The following NYAP2 variants were observed in gnomAD, a reference collection of about 807,000 sequenced individuals.
NYAP2 encodes neuronal tyrosine-phosphorylated phosphoinositide-3-kinase adaptor 2.
A neutral mutation model predicts 50.4 loss-of-function variants in NYAP2; 23 were observed. That is an observed-to-expected ratio of 0.46 (90% CI 0.33 to 0.65). The LOEUF is 0.65. NYAP2 is among the 30% of genes least tolerant of loss of function. The pLI, the probability that NYAP2 is intolerant of heterozygous loss-of-function variation, is 0.02. For synonymous variants in NYAP2, 394 were observed against 365.2 expected, an observed-to-expected ratio of 1.08 and a Z score of -0.90; for missense variants, 885 against 861.0, an observed-to-expected ratio of 1.03 and a Z score of -0.35.
chr2:225,612,785 G>A (rs531815648), intron 5 of NYAP2, among the ~76,000 whole-genome samples: 1 of 40,146 alleles, frequency 2.5e-5, no homozygotes, highest in South Asian at 1.5e-3. Flanking sequence ...TCTACCAGAA[G>A]CCCCACCTTT....
At chr2:225,409,764 A>G (rs969378004) in intron 3 of NYAP2, among the ~76,000 whole-genome samples, 1 of 152,082 alleles carries the variant, frequency 6.6e-6, no homozygotes, top group Non-Finnish European at 1.5e-5. Context: ...AAGAATGCAT[A>G]TCTTTTGATT....
chr2:225,449,601 CTTT>C (rs201552006), intron 3 of NYAP2, among the ~76,000 whole-genome samples: 8,709 of 95,448 alleles, frequency 0.091, 222 homozygotes, highest in African/African-American at 0.22. Context: ...CTCTCTTTCT[CTTT>C]TTTTTTTTTT....
intron 4 of NYAP2, among the ~76,000 whole-genome samples, chr2:225,535,255 CTT>C (rs1462720708): frequency 1.3e-5 from 2 of 152,178 alleles, no homozygotes; most frequent in Non-Finnish European, 2.9e-5. Context: ...ATGGACAAAA[CTT>C]AACACTGGGC....
At chr2:225,561,289 G>C (rs1331582589) in intron 4 of NYAP2, among the ~76,000 whole-genome samples, 1 of 152,002 alleles carries the variant, frequency 6.6e-6, no homozygotes, top group Non-Finnish European at 1.5e-5. Flanking sequence ...TACATCGCTG[G>C]GGGAAGCACA....
chr2:225,468,095 C>T (rs1055676367), intron 3 of NYAP2, among the ~76,000 whole-genome samples: 2 of 152,086 alleles, frequency 1.3e-5, no homozygotes, highest in African/African-American at 4.8e-5. Context: ...TGAATTGTGT[C>T]CTACATTAGG....
At chr2:225,611,290 CAT>C (rs1491137649) in intron 5 of NYAP2, among the ~76,000 whole-genome samples, 2 of 152,058 alleles carry the variant, frequency 1.3e-5, no homozygotes, top group African/African-American at 2.4e-5. Flanking sequence ...AAATCTTAAT[CAT>C]GTGTGTGTGT....
chr2:225,590,875 C>A (rs370923453), intron 5 of NYAP2, among the ~76,000 whole-genome samples: 11 of 152,226 alleles, frequency 7.2e-5, no homozygotes, highest in African/African-American at 2.7e-4. Flanking sequence ...ATCTGTGAAT[C>A]GCATCTATCC....
chr2:225,536,936 G>A (rs1055346402), intron 4 of NYAP2, among the ~76,000 whole-genome samples: 1 of 151,678 alleles, frequency 6.6e-6, no homozygotes, highest in African/African-American at 2.4e-5. Flanking sequence ...CCGCCACCAC[G>A]CCCGGCTTTT....
At chr2:225,423,612 C>T (rs185986868) in intron 3 of NYAP2, among the ~76,000 whole-genome samples, 175 of 152,204 alleles carry the variant, frequency 1.1e-3, no homozygotes, top group Non-Finnish European at 1.6e-3. Flanking sequence ...GCCTGGTGTT[C>T]GCCTAGACAA....
chr2:225,513,589 C>A, exon 4 of NYAP2: 1 of 1,593,632 alleles, frequency 6.3e-7, no homozygotes, highest in East Asian at 2.2e-5. Flanking sequence ...AAGAGGGACC[C>A]CAGCACCAAG....
the NYAP2 span, chr2:225,699,997 A>G: frequency 6.6e-6 from 1 of 151,820 alleles, no homozygotes; most frequent in Non-Finnish European, 1.5e-5. Context: ...TTTCTGAGAG[A>G]AAAGATGTGT....
chr2:225,424,643 G>A (rs1370096043), intron 3 of NYAP2, among the ~76,000 whole-genome samples: 3 of 151,640 alleles, frequency 2.0e-5, no homozygotes, highest in Admixed American at 6.6e-5. Flanking sequence ...CAATATGAAG[G>A]TTTTGGAATT....
chr2:225,650,089 G>A (rs1428701572), intron 6 of NYAP2, among the ~76,000 whole-genome samples: 5 of 152,172 alleles, frequency 3.3e-5, no homozygotes, highest in Non-Finnish European at 7.3e-5. Flanking sequence ...AGGTGCATAT[G>A]GGTGAGAGTG....
chr2:225,504,982 T>C (rs112732598), intron 3 of NYAP2, among the ~76,000 whole-genome samples: 1 of 150,330 alleles, frequency 6.7e-6, no homozygotes, highest in Non-Finnish European at 1.5e-5. Flanking sequence ...CGCTCCAGCC[T>C]GGGTGACGGA....
At chr2:225,443,915 A>G (rs908533091) in intron 3 of NYAP2, among the ~76,000 whole-genome samples, 1 of 152,206 alleles carries the variant, frequency 6.6e-6, no homozygotes, top group Non-Finnish European at 1.5e-5. Flanking sequence ...CCAAAGATCA[A>G]ATTCTTGACC....
chr2:225,471,081 T>C (rs1422908915), intron 3 of NYAP2, among the ~76,000 whole-genome samples: 3 of 152,230 alleles, frequency 2.0e-5, no homozygotes, highest in African/African-American at 7.2e-5. Context: ...CAAATCAATA[T>C]AGAGGGATTT....
At chr2:225,473,657 T>C (rs1207067789) in intron 3 of NYAP2, among the ~76,000 whole-genome samples, 1 of 152,196 alleles carries the variant, frequency 6.6e-6, no homozygotes, top group African/African-American at 2.4e-5. Context: ...GATGGGGTTG[T>C]TTGTTTTTTT....
At chr2:225,672,824 T>C in the NYAP2 span, among the ~76,000 whole-genome samples, 2 of 151,920 alleles carry the variant, frequency 1.3e-5, no homozygotes, top group South Asian at 2.1e-4. Flanking sequence ...ATGGGGGATA[T>C]TTGGTTGGTG....
At chr2:225,699,663 GT>G in the NYAP2 span, 1 of 151,710 alleles carries the variant, frequency 6.6e-6, no homozygotes, top group Non-Finnish European at 1.5e-5. Context: ...ATAATCTTCT[GT>G]ATGTGATCAT....
Sources: gnomAD v4.1 joint callset for allele counts (sites outside exome capture counted in the v4.1 genomes callset) on GRCh38, gnomAD v4.1.1 for gene constraint, MANE v1.5 for transcripts, NCBI Gene and HGNC (gene_info 2026-07-23, HGNC 2026-07-21) for gene names.